LRFN2: variants seen among roughly 807,000 people sequenced by gnomAD.
LRFN2 encodes the protein leucine rich repeat and fibronectin type III domain containing 2, also known as leucine-rich repeat and fibronectin type-III domain-containing protein 2.
Under a neutral mutation model 37.3 loss-of-function variants are expected in LRFN2, and 18 were observed. That is an observed-to-expected ratio of 0.48 (90% confidence interval 0.33 to 0.72). The LOEUF is 0.72. LRFN2 is among the 30% of genes least tolerant of loss of function. The pLI is 0.02. For missense variants in LRFN2, 1,006 were observed against 1,060.7 expected, an observed-to-expected ratio of 0.95 and a Z score of 0.72; for synonymous variants, 556 against 466.6, an observed-to-expected ratio of 1.19 and a Z score of -2.47.
At chr6:40,502,839 A>G (rs887801595) in intron 1 of LRFN2, among the ~76,000 whole-genome samples, 1 of 152,212 alleles carries the variant, frequency 6.6e-6, no homozygotes, top group African/African-American at 2.4e-5. Flanking sequence ...GGCAGAAATG[A>G]TCAGACAGCC....
chr6:40,405,779 G>A lies in LRFN2; in HGVS notation c.1401-12867C>T, dbSNP rs988909974. ...TTCATGTGGAGGAAGTGTTAGTAAA[G>A]GCCTGGCTGAGCAATGGCAGAGATG... is the stretch of plus-strand genomic sequence containing the variant. On this transcript the variant is annotated intron_variant, in intron 2 of 2. Transcript: ENST00000338305. Among the ~76,000 whole-genome samples, 93 of 152,238 alleles carry A rather than the reference G, an allele frequency of 6.1e-4. 1 individual carries two copies. Among genetic ancestry groups the A allele is most frequent in the African/African-American group, 2.2e-3 (93 of 41,542 alleles).
At chr6:40,468,414 G>A (rs1173222945) in intron 1 of LRFN2, among the ~76,000 whole-genome samples, 1 of 152,154 alleles carries the variant, frequency 6.6e-6, no homozygotes, top group Non-Finnish European at 1.5e-5. Context: ...AGAATGGAAA[G>A]CAAAGGAATC....
intron 1 of LRFN2, among the ~76,000 whole-genome samples, chr6:40,504,738 A>C (rs553101194): frequency 2.0e-5 from 3 of 152,264 alleles, no homozygotes; most frequent in African/African-American, 4.8e-5. Context: ...AGTCACGGCC[A>C]GCCTCACTCT....
At chr6:40,576,613 G>A (rs1767284354) in intron 1 of LRFN2, among the ~76,000 whole-genome samples, 1 of 152,150 alleles carries the variant, frequency 6.6e-6, no homozygotes, top group Non-Finnish European at 1.5e-5. Context: ...TGGAGCCGCA[G>A]GTACCTGCAG....
intron 1 of LRFN2, among the ~76,000 whole-genome samples, chr6:40,459,349 G>A (rs893682623): frequency 4.6e-5 from 7 of 152,212 alleles, no homozygotes; most frequent in South Asian, 2.1e-4. Flanking sequence ...TGTGAGGGAC[G>A]ATGTGTTCCC....
intron 1 of LRFN2, among the ~76,000 whole-genome samples, chr6:40,436,804 T>C (rs1010161422): frequency 2.6e-5 from 4 of 152,148 alleles, no homozygotes; most frequent in Non-Finnish European, 4.4e-5. Flanking sequence ...TCCACTTGCA[T>C]TGAGTCTTGA....
chr6:40,556,714 TAG>T (rs1766893404), intron 1 of LRFN2, among the ~76,000 whole-genome samples: 1 of 126,574 alleles, frequency 7.9e-6, no homozygotes, highest in Non-Finnish European at 1.7e-5. Context: ...CTTACCTACA[TAG>T]ACACACACAC....
chr6:40,415,373 G>A (rs180932395), intron 2 of LRFN2, among the ~76,000 whole-genome samples: 28 of 152,106 alleles, frequency 1.8e-4, no homozygotes, highest in Non-Finnish European at 1.0e-4. Context: ...TTACAGGCAC[G>A]TGCCACCATG....
intron 2 of LRFN2, among the ~76,000 whole-genome samples, chr6:40,429,994 G>C (rs186323550): frequency 1.2e-4 from 19 of 152,224 alleles, no homozygotes; most frequent in Admixed American, 1.2e-3. Context: ...GGGATTACAG[G>C]TAATTTTTAT....
At chr6:40,437,570 T>C (rs921250813) in intron 1 of LRFN2, among the ~76,000 whole-genome samples, 5 of 152,198 alleles carry the variant, frequency 3.3e-5, no homozygotes, top group Non-Finnish European at 7.3e-5. Context: ...GTAAATATAT[T>C]TTAAGTAATC....
At chr6:40,512,621 C>A (rs552810580) in intron 1 of LRFN2, among the ~76,000 whole-genome samples, 5 of 152,280 alleles carry the variant, frequency 3.3e-5, no homozygotes, top group African/African-American at 1.2e-4. Context: ...CCCTCCTTGG[C>A]AGATGTGTAC....
Position 40,417,170 on chromosome 6 carries a change from G to A in LRFN2, c.1400+14544C>T, listed in dbSNP as rs140849119. 2.1e-3 allele frequency among the ~76,000 whole-genome samples: 315 copies of A among 152,322 alleles called. 2 individuals carry two copies. Among genetic ancestry groups the A allele is most frequent in the African/African-American group, 7.1e-3 (296 of 41,576 alleles). Reference sequence around the variant, plus strand: ...TAGCAACAATCAAAGCTTGAGGGAGGAGAGCAAAGCAGCCTTGGGAAGCAG... The same window carrying A: ...TAGCAACAATCAAAGCTTGAGGGAGAAGAGCAAAGCAGCCTTGGGAAGCAG... On this transcript the variant is annotated intron_variant, in intron 2 of 2. Transcript: ENST00000338305.
intron 1 of LRFN2, among the ~76,000 whole-genome samples, chr6:40,492,059 T>G (rs1765106098): frequency 6.6e-6 from 1 of 151,926 alleles, no homozygotes; most frequent in Non-Finnish European, 1.5e-5. Context: ...TGTGTGACTG[T>G]GGGTAGGTAG....
At chr6:40,563,438 G>A (rs1561909178) in intron 1 of LRFN2, among the ~76,000 whole-genome samples, 1 of 152,102 alleles carries the variant, frequency 6.6e-6, no homozygotes, top group African/African-American at 2.4e-5. Flanking sequence ...AGCTGCCAGG[G>A]GCTCCCTGTC....
rs1020438233 is a variant in LRFN2, at chr6:40,433,104, G to A, written c.10C>T (p.Leu4=). 3 of 1,523,114 alleles carry A rather than the reference G, an allele frequency of 2.0e-6. No homozygotes were observed. The highest frequency in any genetic ancestry group is 2.6e-6 in the Non-Finnish European group (3 of 1,137,172). 94.3% of individuals were successfully genotyped at this position (1,523,114 alleles called of 1,614,324 possible). The part of the protein sequence containing the change: MET[L]LGGLLAFGMA... ...CCAAACGCTAGCAGGCCACCAAGCA[G>A]GGTCTCCATGGTCTGGTCACTCAGC... is the stretch of plus-strand genomic sequence containing the variant. Residue 4 remains leucine, a synonymous_variant, in exon 2 of 3, where the codon CTG becomes TTG. Transcript: ENST00000338305.
At chr6:40,416,559 TAA>T (rs1461695030) in intron 2 of LRFN2, among the ~76,000 whole-genome samples, 1 of 152,214 alleles carries the variant, frequency 6.6e-6, no homozygotes, top group African/African-American at 2.4e-5. Flanking sequence ...AGCCCCATTT[TAA>T]AGACAGAAGA....
At chr6:40,571,560 T>G (rs559206970) in intron 1 of LRFN2, among the ~76,000 whole-genome samples, 1 of 152,272 alleles carries the variant, frequency 6.6e-6, no homozygotes, top group South Asian at 2.1e-4. Flanking sequence ...CCTCCCAAAG[T>G]AGCGGAACCT....
intron 1 of LRFN2, among the ~76,000 whole-genome samples, chr6:40,547,167 C>T (rs952164675): frequency 2.0e-5 from 3 of 150,318 alleles, no homozygotes; most frequent in Non-Finnish European, 2.9e-5. Flanking sequence ...TGCAGTGGCA[C>T]GATCTCGGCT....
chr6:40,565,662 T>G (rs1767077174), intron 1 of LRFN2, among the ~76,000 whole-genome samples: 1 of 151,778 alleles, frequency 6.6e-6, no homozygotes, highest in Non-Finnish European at 1.5e-5. Context: ...TAAATGGTGC[T>G]GGGAAAACTG....
Sources: gnomAD v4.1 joint callset for allele counts (sites outside exome capture counted in the v4.1 genomes callset) on GRCh38, gnomAD v4.1.1 for gene constraint, MANE v1.5 for transcripts, NCBI Gene and HGNC (gene_info 2026-07-23, HGNC 2026-07-21) for gene names.